OR52N2: variants seen among roughly 807,000 people sequenced by gnomAD.
OR52N2 encodes olfactory receptor 52N2.
For synonymous variants in OR52N2, 129 were observed against 72.0 expected (o/e 1.79, Z -4.01); for missense variants, 326 against 196.6 (o/e 1.66, Z -3.94).
rs1377651875 is a variant in OR52N2 at position 5,821,394 on chromosome 11, C to T, written c.*93C>T. The T allele has an allele frequency of 4.6e-6, 3 of 650,712 alleles. No individual in the cohort carries two copies. Among genetic ancestry groups the T allele is most frequent in the East Asian group, 5.0e-5 (2 of 39,604 alleles). 40.3% of individuals were successfully genotyped at this position (650,712 alleles called of 1,614,324 possible). On this transcript the variant is annotated 3_prime_UTR_variant, in exon 2 of 2. Coordinates refer to ENST00000317037, the MANE Select transcript of OR52N2 (RefSeq NM_001005174.3). ...GAATAAAATGGTATTAAAATCATGA[C>T]ATGTAATTTACCCATGTAACAAACT...
chr11:5,821,167 A>G lies in OR52N2; in HGVS notation c.832A>G (p.Ile278Val), dbSNP rs1846450322. 2.6e-6 allele frequency: 2 copies of G among 781,022 alleles called. No homozygotes were observed. The highest frequency in any genetic ancestry group is 4.8e-6 in the Non-Finnish European group (2 of 418,108). The allele number at this position is 781,022 out of a possible 1,614,324, so 48.4% of individuals were successfully genotyped here. A position where few individuals can be genotyped will look rare whatever the true frequency, so the allele number is the denominator to read the frequency against. ...GHNIPNHIHI[I>V]VANLYLLLPP... ...CAATATCCCAAACCACATACACATC[A>G]TCGTGGCCAACCTTTATCTGCTACT... Residue 278 changes from isoleucine to valine, a missense_variant, in exon 2 of 2, where the codon ATC (isoleucine) becomes GTC (valine). Physicochemically the swap from Ile to Val is conservative, Grantham distance 29 (BLOSUM62 3). Transcript: ENST00000317037.
Position 5,821,377 on chromosome 11 carries a change from T to C in OR52N2, c.*76T>C, listed in dbSNP as rs887244265. 2.5e-5 allele frequency: 17 copies of C among 671,614 alleles called. No homozygotes were observed. Among genetic ancestry groups the C allele is most frequent in the African/African-American group, 2.5e-4 (14 of 55,962 alleles). The allele number at this position is 671,614 out of a possible 1,614,324, so 41.6% of individuals were successfully genotyped here. ...AATTTCATAAAAGATGTGAATAAAA[T>C]GGTATTAAAATCATGACATGTAATT... is the stretch of plus-strand genomic sequence containing the variant. On this transcript the variant is annotated 3_prime_UTR_variant, in exon 2 of 2. Coordinates refer to ENST00000317037, the MANE Select transcript of OR52N2 (RefSeq NM_001005174.3).
chr11:5,813,635 C>G (rs1173997995), intron 1 of OR52N2, among the ~76,000 whole-genome samples: 1 of 152,120 alleles, frequency 6.6e-6, no homozygotes. Context: ...TTTTCAAATT[C>G]TTCCAAAAAG....
intron 1 of OR52N2, among the ~76,000 whole-genome samples, chr11:5,813,794 C>G (rs939462319): frequency 1.1e-4 from 16 of 152,136 alleles, no homozygotes; most frequent in African/African-American, 3.9e-4. Context: ...TGAACCGAAT[C>G]AACAGCACAG....
intron 1 of OR52N2, among the ~76,000 whole-genome samples, chr11:5,819,324 T>C (rs1371733264): frequency 6.6e-6 from 1 of 152,194 alleles, no homozygotes; most frequent in African/African-American, 2.4e-5. Context: ...GAAATAGCAA[T>C]CCAAAGATGT....
intron 1 of OR52N2, among the ~76,000 whole-genome samples, chr11:5,819,935 G>T (rs1846432666): frequency 6.6e-6 from 1 of 152,184 alleles, no homozygotes; most frequent in Non-Finnish European, 1.5e-5. Context: ...CAATTAGAAT[G>T]GGAAGATTCT....
chr11:5,812,974 C>A (rs1375910169), intron 1 of OR52N2, among the ~76,000 whole-genome samples: 1 of 151,538 alleles, frequency 6.6e-6, no homozygotes, highest in Non-Finnish European at 1.5e-5. Flanking sequence ...ACCAATGGAT[C>A]AAAAATTAAA....
intron 1 of OR52N2, among the ~76,000 whole-genome samples, chr11:5,809,312 C>T (rs935014665): frequency 3.3e-5 from 5 of 152,072 alleles, no homozygotes; most frequent in Admixed American, 6.5e-5. Context: ...CTGTGTCACT[C>T]CCCCATGGGC....
At chr11:5,818,974 C>T (rs73394367) in intron 1 of OR52N2, among the ~76,000 whole-genome samples, 8,916 of 152,244 alleles carry the variant, frequency 0.059, 309 homozygotes, top group African/African-American at 0.078. Context: ...GGTTGCTTTA[C>T]ATTTCCCTCC....
intron 1 of OR52N2, among the ~76,000 whole-genome samples, chr11:5,811,117 T>C (rs1299458378): frequency 6.6e-6 from 1 of 151,726 alleles, no homozygotes; most frequent in Non-Finnish European, 1.5e-5. Context: ...ATTCTTGATA[T>C]GTAAGATTTA....
intron 1 of OR52N2, among the ~76,000 whole-genome samples, chr11:5,814,109 A>T (rs1172847138): frequency 1.3e-5 from 2 of 152,186 alleles, no homozygotes; most frequent in African/African-American, 4.8e-5. Context: ...AGACATAGGT[A>T]TCCTCTTTCA....
chr11:5,814,923 T>C (rs939341854), intron 1 of OR52N2, among the ~76,000 whole-genome samples: 2 of 152,130 alleles, frequency 1.3e-5, no homozygotes, highest in South Asian at 4.1e-4. Flanking sequence ...CCCTCACATA[T>C]GTGGTAAAGT....
intron 1 of OR52N2, among the ~76,000 whole-genome samples, chr11:5,815,694 A>T (rs1002543968): frequency 6.6e-6 from 1 of 152,158 alleles, no homozygotes; most frequent in Non-Finnish European, 1.5e-5. Flanking sequence ...AAAACTAAAA[A>T]TAGCATATGA....
chr11:5,816,277 G>A (rs1259111158), intron 1 of OR52N2, among the ~76,000 whole-genome samples: 1 of 152,000 alleles, frequency 6.6e-6, no homozygotes, highest in African/African-American at 2.4e-5. Flanking sequence ...CATGATGAAT[G>A]TATTTAATGC....
chr11:5,810,645 T>C (rs1321667968), intron 1 of OR52N2, among the ~76,000 whole-genome samples: 1 of 152,132 alleles, frequency 6.6e-6, no homozygotes, highest in Non-Finnish European at 1.5e-5. Context: ...AGGTAAGAAC[T>C]GTTTAAGGAA....
chr11:5,815,758 T>C (rs2056432536), intron 1 of OR52N2, among the ~76,000 whole-genome samples: 1 of 152,116 alleles, frequency 6.6e-6, no homozygotes, highest in South Asian at 2.1e-4. Flanking sequence ...ATCAGTATGT[T>C]GAAGAGGTGT....
rs372029486 is a variant in OR52N2, at chr11:5,820,389, C to T, written c.54C>T (p.Gly18=). 54 of 780,916 alleles carry T rather than the reference C, an allele frequency of 6.9e-5. No homozygotes were observed. The highest frequency in any genetic ancestry group is 2.9e-4 in the South Asian group (22 of 74,602). The allele number at this position is 780,916 out of a possible 1,614,324, so 48.4% of individuals were successfully genotyped here. ...SLTPGFFILN[G]VPGLEATHIW... ...CCCCAGGATTCTTTATCTTGAATGGCGTTCCTGGGCTGGAAGCCACACACA... is the reference window on the plus strand; with the variant it reads ...CCCCAGGATTCTTTATCTTGAATGGTGTTCCTGGGCTGGAAGCCACACACA... Residue 18 remains glycine, a synonymous_variant, in exon 2 of 2, where the codon GGC becomes GGT. Transcript: ENST00000317037.
chr11:5,811,856 T>C (rs1846363328), intron 1 of OR52N2, among the ~76,000 whole-genome samples: 1 of 152,058 alleles, frequency 6.6e-6, no homozygotes, highest in South Asian at 2.1e-4. Flanking sequence ...CACACACAGG[T>C]TGAAAGCAAA....
rs1281230937 is a variant in OR52N2, at chr11:5,820,836, C to T, written c.501C>T (p.Arg167=). ...LIIPFTLLTK[R]LPYCRGNFIP... Reference sequence around the variant, plus strand: ...TCCCATTCACTCTCCTCACCAAGCGCCTGCCCTATTGCCGGGGGAACTTCA... The same window carrying T: ...TCCCATTCACTCTCCTCACCAAGCGTCTGCCCTATTGCCGGGGGAACTTCA... The change falls in exon 2 of 2, where the codon CGC becomes CGT. Residue 167 remains arginine (R), a synonymous_variant. Transcript: ENST00000317037. 6.4e-6 allele frequency: 5 copies of T among 780,446 alleles called. No individual in the cohort carries two copies. The highest frequency in any genetic ancestry group is 5.1e-5 in the Admixed American group (3 of 58,994). The allele number at this position is 780,446 out of a possible 1,614,324, so 48.3% of individuals were successfully genotyped here. A position where few individuals can be genotyped will look rare whatever the true frequency, so the allele number is the denominator to read the frequency against.
Sources: allele counts gnomAD v4.1 joint callset (sites outside exome capture counted in the v4.1 genomes callset), GRCh38; gene constraint gnomAD v4.1.1; transcripts MANE v1.5; gene names NCBI Gene and HGNC (gene_info 2026-07-23, HGNC 2026-07-21).